Variants in AGBL4 observed in about 807,000 individuals in gnomAD.
AGBL4 encodes AGBL carboxypeptidase 4, also known as cytosolic carboxypeptidase 6.
AGBL4 carries 58 observed loss-of-function variants against 66.4 expected under a neutral mutation model. The ratio of observed to expected loss-of-function variants is 0.87; its 90% CI spans 0.71 to 1.09. The LOEUF is 1.09. Among genes scored for constraint, AGBL4 ranks in the 50% least tolerant of loss-of-function variants. The pLI is 0.00. For missense variants in AGBL4, 579 were observed against 631.0 expected (o/e 0.92, Z 0.88); for synonymous variants, 234 against 222.9 (o/e 1.05, Z -0.44).
At chr1:49,631,582 G>A (rs1196554586) in intron 3 of AGBL4, among the ~76,000 whole-genome samples, 11 of 152,036 alleles carry the variant, frequency 7.2e-5, no homozygotes, top group Admixed American at 5.9e-4. Flanking sequence ...CTTGTGCCAG[G>A]AAATATTTGT....
At chr1:49,512,214 G>C (rs1160268723) in intron 3 of AGBL4, among the ~76,000 whole-genome samples, 1 of 151,966 alleles carries the variant, frequency 6.6e-6, no homozygotes, top group Non-Finnish European at 1.5e-5. Flanking sequence ...TGTAAGAAGA[G>C]GGTTGGTATA....
At chr1:49,402,721 C>T (rs1476619343) in intron 3 of AGBL4, among the ~76,000 whole-genome samples, 1 of 152,114 alleles carries the variant, frequency 6.6e-6, no homozygotes, top group Admixed American at 6.5e-5. Context: ...ACATGCGCCA[C>T]CACATCTGGC....
At chr1:50,012,882 C>T (rs1000498695) in intron 1 of AGBL4, among the ~76,000 whole-genome samples, 2 of 152,274 alleles carry the variant, frequency 1.3e-5, no homozygotes, top group East Asian at 1.9e-4. Context: ...CTTGAAACCA[C>T]GTTGATCGTA....
chr1:49,421,223 C>A (rs1645539605), intron 3 of AGBL4, among the ~76,000 whole-genome samples: 1 of 152,112 alleles, frequency 6.6e-6, no homozygotes, highest in Non-Finnish European at 1.5e-5. Flanking sequence ...CTAAGTGAAC[C>A]ATTCATTGTT....
chr1:48,549,454 A>T (rs1553185776), intron 11 of AGBL4, among the ~76,000 whole-genome samples: 1 of 150,268 alleles, frequency 6.7e-6, no homozygotes, highest in South Asian at 2.3e-4. Flanking sequence ...TGTGAAAGAG[A>T]GGAGAGGGAG....
intron 2 of AGBL4, among the ~76,000 whole-genome samples, chr1:49,723,836 A>T (rs1648797791): frequency 6.6e-6 from 1 of 152,142 alleles, no homozygotes; most frequent in South Asian, 2.1e-4. Flanking sequence ...CTTAACCTCC[A>T]TGAAATTCAG....
chr1:48,916,547 GACACACAC>G (rs141195869), intron 5 of AGBL4, among the ~76,000 whole-genome samples: 31 of 150,092 alleles, frequency 2.1e-4, no homozygotes, highest in Non-Finnish European at 4.2e-4. Context: ...GTGTGTGTGT[GACACACAC>G]ACACACACAC....
At chr1:49,496,298 T>C (rs1391161793) in intron 3 of AGBL4, among the ~76,000 whole-genome samples, 2 of 152,056 alleles carry the variant, frequency 1.3e-5, no homozygotes, top group African/African-American at 2.4e-5. Context: ...ATGCATAATA[T>C]GATTTTTTGA....
intron 3 of AGBL4, among the ~76,000 whole-genome samples, chr1:49,615,324 G>A (rs988010903): frequency 5.3e-5 from 8 of 152,004 alleles, no homozygotes; most frequent in Non-Finnish European, 1.2e-4. Flanking sequence ...ATATACTTCA[G>A]GACAAACAAT....
chr1:48,662,926 A>T (rs531518601), intron 7 of AGBL4, among the ~76,000 whole-genome samples: 1 of 152,208 alleles, frequency 6.6e-6, no homozygotes, highest in East Asian at 1.9e-4. Context: ...CTGTTCATTT[A>T]TCCATCCATC....
At chr1:48,818,041 C>G (rs1355438987) in intron 6 of AGBL4, 1 of 706,646 alleles carries the variant, frequency 1.4e-6, no homozygotes, top group African/African-American at 1.8e-5. Flanking sequence ...AGGTCAAATT[C>G]ATATCTGATA....
At chr1:49,594,421 GTGCCATGGGTGGTT>G (rs1037761667) in intron 3 of AGBL4, among the ~76,000 whole-genome samples, 1 of 152,148 alleles carries the variant, frequency 6.6e-6, no homozygotes, top group African/African-American at 2.4e-5. Context: ...AGGTATACAT[GTGCCATGGGTGGTT>G]TGCTGCACCC....
chr1:48,524,572 C>A, the AGBL4 span, among the ~76,000 whole-genome samples: 1 of 152,080 alleles, frequency 6.6e-6, no homozygotes, highest in East Asian at 1.9e-4. Flanking sequence ...GATGAAATGT[C>A]AAGAAAGTAG....
intron 5 of AGBL4, among the ~76,000 whole-genome samples, chr1:49,009,751 C>T (rs1429472970): frequency 6.6e-6 from 1 of 151,374 alleles, no homozygotes; most frequent in East Asian, 1.9e-4. Context: ...TGTAATCCAG[C>T]ATATAAACAG....
At chr1:49,449,657 C>T (rs1305971440) in intron 3 of AGBL4, among the ~76,000 whole-genome samples, 1 of 151,920 alleles carries the variant, frequency 6.6e-6, no homozygotes. Flanking sequence ...GATTGCCTGC[C>T]ACGAGCCCAT....
At chr1:49,594,736 T>C (rs981113957) in intron 3 of AGBL4, among the ~76,000 whole-genome samples, 6 of 152,368 alleles carry the variant, frequency 3.9e-5, no homozygotes, top group South Asian at 2.1e-4. Context: ...ATGGTGTATA[T>C]GTGCCACATT....
chr1:48,707,361 G>A (rs1646897260), intron 6 of AGBL4, among the ~76,000 whole-genome samples: 1 of 152,104 alleles, frequency 6.6e-6, no homozygotes, highest in Admixed American at 6.5e-5. Context: ...CTAGTAAGAA[G>A]AAATTAACCA....
chr1:48,924,595 A>C (rs903210524), intron 5 of AGBL4, among the ~76,000 whole-genome samples: 1 of 152,206 alleles, frequency 6.6e-6, no homozygotes, highest in Non-Finnish European at 1.5e-5. Context: ...AAGGGTAATA[A>C]AAAGGATAAA....
intron 3 of AGBL4, among the ~76,000 whole-genome samples, chr1:49,254,041 A>C (rs1652282646): frequency 6.6e-6 from 1 of 152,230 alleles, no homozygotes; most frequent in African/African-American, 2.4e-5. Flanking sequence ...CATCTAGGAC[A>C]AACCCACAGC....
Sources: gnomAD v4.1 joint callset for allele counts (sites outside exome capture counted in the v4.1 genomes callset) on GRCh38, gnomAD v4.1.1 for gene constraint, MANE v1.5 for transcripts, NCBI Gene and HGNC (gene_info 2026-07-23, HGNC 2026-07-21) for gene names.